The following TRIO variants were observed in gnomAD, a reference collection of about 807,000 sequenced individuals.
TRIO encodes the protein trio Rho guanine nucleotide exchange factor, also known as triple functional domain protein.
A neutral mutation model predicts 351.9 loss-of-function variants in TRIO; 58 were observed. The ratio of observed to expected loss-of-function variants is 0.16; its 90% CI spans 0.13 to 0.21. TRIO has a LOEUF of 0.21. Among genes scored for constraint, TRIO ranks in the 10% least tolerant of loss-of-function variants. TRIO has a pLI of 1.00. For synonymous variants in TRIO, 1,758 were observed against 1,595.7 expected (o/e 1.10, Z -2.42); for missense variants, 3,201 against 4,027.8 (o/e 0.79, Z 5.56).
At chr5:14,247,465 T>C (rs1320440121) in intron 1 of TRIO, among the ~76,000 whole-genome samples, 2 of 152,244 alleles carry the variant, frequency 1.3e-5, no homozygotes, top group Non-Finnish European at 2.9e-5. Flanking sequence ...TAAAAGTCTT[T>C]TAAGGAATAT....
intron 1 of TRIO, among the ~76,000 whole-genome samples, chr5:14,166,403 T>C (rs1788765397): frequency 6.6e-6 from 1 of 152,260 alleles, no homozygotes; most frequent in Non-Finnish European, 1.5e-5. Flanking sequence ...TATGGTGATC[T>C]TAATAGATTT....
chr5:14,228,471 C>T (rs1037847219), intron 1 of TRIO, among the ~76,000 whole-genome samples: 1 of 152,220 alleles, frequency 6.6e-6, no homozygotes, highest in African/African-American at 2.4e-5. Flanking sequence ...ACTGCAGCAG[C>T]ACATGACTGA....
chr5:14,481,569 C>A lies in TRIO; in HGVS notation c.6416C>A (p.Pro2139His). 6.2e-7 allele frequency: 1 copy of A among 1,614,044 alleles called. No individual in the cohort carries two copies. Among genetic ancestry groups the A allele is most frequent in the Middle Eastern group, 1.6e-4 (1 of 6,062 alleles). ...GCTGTGGAAGTCATGTGCATAGTAC[C>A]CAGGCGGTGCAACGACATGATGAAC... ...ERAVEVMCIV[P>H]RRCNDMMNVG... Residue 2139 changes from proline (P) to histidine (H), a missense_variant, in exon 45 of 57, where the codon CCC (proline) becomes CAC (histidine). This residue lies in a region of TRIO where 307 missense variants were observed against 396.5 expected (regional missense o/e 0.77). Transcript: ENST00000344204.
intron 28 of TRIO, among the ~76,000 whole-genome samples, chr5:14,394,733 G>T (rs1747415477): frequency 1.3e-5 from 2 of 152,274 alleles, no homozygotes; most frequent in South Asian, 4.1e-4. Context: ...CTTTTTATTA[G>T]TTGTGAGTGA....
chr5:14,256,504 T>C (rs975364531), intron 1 of TRIO, among the ~76,000 whole-genome samples: 1 of 152,202 alleles, frequency 6.6e-6, no homozygotes. Flanking sequence ...TAGGGGAGTG[T>C]CAGTGTTCTG....
intron 34 of TRIO, among the ~76,000 whole-genome samples, chr5:14,445,270 T>C (rs994358087): frequency 6.6e-6 from 1 of 152,118 alleles, no homozygotes; most frequent in African/African-American, 2.4e-5. Flanking sequence ...ATAAAGATGC[T>C]CCTATTAATT....
chr5:14,170,534 T>G (rs1317950455), intron 1 of TRIO, among the ~76,000 whole-genome samples: 2 of 148,402 alleles, frequency 1.3e-5, no homozygotes, highest in Non-Finnish European at 3.0e-5. Flanking sequence ...TTTGGAGAAG[T>G]CTTGCTTTGT....
chr5:14,150,541 T>C (rs981678112), intron 1 of TRIO, among the ~76,000 whole-genome samples: 1 of 152,006 alleles, frequency 6.6e-6, no homozygotes, highest in Non-Finnish European at 1.5e-5. Flanking sequence ...TATATGTAAT[T>C]AGTAAAGGGC....
In TRIO at chr5:14,461,173, C is replaced by T. The variant is rs906102570; in HGVS notation, c.5358C>T (p.Ser1786=). ...WLTSPVRRLS[S]GKADGHVKKL... ...CCAGCCCCGTGCGGCGGCTCAGCAG[C>T]GGCAAGGCCGACGGGCACGTGAAGA... Residue 1786 remains serine (S), a synonymous_variant, in exon 35 of 57, where the codon AGC becomes AGT. Transcript: ENST00000344204. 3 of 1,558,658 alleles carry T rather than the reference C, an allele frequency of 1.9e-6. No individual in the cohort carries two copies. Among genetic ancestry groups the T allele is most frequent in the Non-Finnish European group, 2.6e-6 (3 of 1,151,974 alleles).
intron 10 of TRIO, among the ~76,000 whole-genome samples, chr5:14,332,739 A>C (rs1216766946): frequency 6.6e-6 from 1 of 152,184 alleles, no homozygotes; most frequent in Non-Finnish European, 1.5e-5. Context: ...TCTGATTGCA[A>C]GACAGTGGAA....
At chr5:14,163,988 T>C (rs140052963) in intron 1 of TRIO, among the ~76,000 whole-genome samples, 91 of 152,348 alleles carry the variant, frequency 6.0e-4, no homozygotes, top group African/African-American at 2.0e-3. Flanking sequence ...GTGTTTTAAC[T>C]GAATCCAGAC....
intron 1 of TRIO, among the ~76,000 whole-genome samples, chr5:14,156,154 C>G (rs1352378308): frequency 6.6e-6 from 1 of 152,132 alleles, no homozygotes; most frequent in African/African-American, 2.4e-5. Context: ...CATCCTGGCT[C>G]TTTTATCTTT....
intron 1 of TRIO, among the ~76,000 whole-genome samples, chr5:14,257,647 T>G (rs1795102623): frequency 6.6e-6 from 1 of 152,160 alleles, no homozygotes; most frequent in African/African-American, 2.4e-5. Context: ...GTTCCTTAAA[T>G]TATTTATAGT....
intron 1 of TRIO, among the ~76,000 whole-genome samples, chr5:14,156,371 C>T (rs752061427): frequency 4.6e-5 from 7 of 152,122 alleles, no homozygotes; most frequent in Non-Finnish European, 1.0e-4. Context: ...ACAGAGTTGT[C>T]CTTGCTTTTA....
chr5:14,350,845 A>AT (rs1002510977), intron 11 of TRIO, among the ~76,000 whole-genome samples: 2 of 151,868 alleles, frequency 1.3e-5, no homozygotes, highest in African/African-American at 4.8e-5. Flanking sequence ...GTGGAAGACG[A>AT]TTTTTCCACA....
At chr5:14,320,922 A>G (rs1561336908) in intron 9 of TRIO, among the ~76,000 whole-genome samples, 1 of 152,182 alleles carries the variant, frequency 6.6e-6, no homozygotes, top group East Asian at 1.9e-4. Flanking sequence ...ATCAGGAGTG[A>G]GGGGTGGATG....
At chr5:14,168,576 CTG>C (rs1788918664) in intron 1 of TRIO, among the ~76,000 whole-genome samples, 1 of 152,178 alleles carries the variant, frequency 6.6e-6, no homozygotes, top group African/African-American at 2.4e-5. Flanking sequence ...TTGTATGGCT[CTG>C]GGTGCTGTTT....
chr5:14,318,676 AGTG>A (rs1739598491), intron 9 of TRIO, among the ~76,000 whole-genome samples: 1 of 152,246 alleles, frequency 6.6e-6, no homozygotes, highest in Non-Finnish European at 1.5e-5. Context: ...GGCTGGAGCC[AGTG>A]GTGAAGAGGG....
intron 47 of TRIO, among the ~76,000 whole-genome samples, chr5:14,485,754 G>A (rs1003111125): frequency 1.3e-5 from 2 of 152,188 alleles, no homozygotes; most frequent in Non-Finnish European, 2.9e-5. Context: ...GGGAGGCCAA[G>A]TTGGGCAGAT....
Sources: allele counts gnomAD v4.1 joint callset (sites outside exome capture counted in the v4.1 genomes callset), GRCh38; gene constraint gnomAD v4.1.1; regional missense constraint gnomAD v4.1.1; transcripts MANE v1.5; gene names NCBI Gene and HGNC (gene_info 2026-07-23, HGNC 2026-07-21).